EIF3H: variants seen among roughly 807,000 people sequenced by gnomAD.
EIF3H encodes eukaryotic translation initiation factor 3 subunit H, also known as eIF-3-gamma.
In EIF3H, 26 loss-of-function variants were observed where a neutral mutation model predicts 44.2. That is an observed-to-expected ratio of 0.59 (90% confidence interval 0.43 to 0.82). The LOEUF is 0.82. EIF3H is among the 40% of genes least tolerant of loss of function. The pLI is 0.00. For missense variants in EIF3H, 359 were observed against 432.8 expected (o/e 0.83, Z 1.51); for synonymous variants, 166 against 151.9 (o/e 1.09, Z -0.68).
intron 2 of EIF3H, among the ~76,000 whole-genome samples, chr8:116,689,876 G>A (rs1814144091): frequency 6.6e-6 from 1 of 152,044 alleles, no homozygotes. Context: ...TAAAATGAAT[G>A]GCACAATAGG....
At chr8:116,652,771 A>G (rs2130783020) in intron 5 of EIF3H, among the ~76,000 whole-genome samples, 1 of 146,570 alleles carries the variant, frequency 6.8e-6, no homozygotes, top group Non-Finnish European at 1.5e-5. Context: ...ATAAAGATTG[A>G]AAAAAAAAAA....
chr8:116,647,049 A>G (rs781018547), intron 6 of EIF3H, among the ~76,000 whole-genome samples: 8 of 152,104 alleles, frequency 5.3e-5, no homozygotes, highest in African/African-American at 9.7e-5. Context: ...AGATGATGTT[A>G]TTACTGCTAT....
In EIF3H at chr8:116,752,720, GAA is replaced by G. The variant is rs1563662979; in HGVS notation, c.132+2944_132+2945del. On this transcript the variant is annotated intron_variant, in intron 1 of 7. Coordinates refer to ENST00000521861, the MANE Select transcript of EIF3H (RefSeq NM_003756.3). ...AGAAAGAAAGAAAGAAAGAAAGAAA[GAA>G]AGAAAGAAAGAAGAGAAAGAAAGAA... is the stretch of plus-strand genomic sequence containing the variant. 7.2e-3 allele frequency among the ~76,000 whole-genome samples: 888 copies of G among 122,990 alleles called. 33 individuals are homozygous for G. Among genetic ancestry groups the G allele is most frequent in the Admixed American group, 0.047 (521 of 11,116 alleles). 80.7% of individuals were successfully genotyped at this position (122,990 alleles called of 152,430 possible).
chr8:116,659,671 AG>A (rs1736278255), intron 2 of EIF3H, among the ~76,000 whole-genome samples: 1 of 152,224 alleles, frequency 6.6e-6, no homozygotes, highest in South Asian at 2.1e-4. Context: ...GAAAAGGTTT[AG>A]TGACTTTTAC....
chr8:116,686,885 TCAAA>T (rs1001809765), intron 2 of EIF3H, among the ~76,000 whole-genome samples: 1 of 152,112 alleles, frequency 6.6e-6, no homozygotes, highest in Non-Finnish European at 1.5e-5. Context: ...AGGGTAATCT[TCAAA>T]CAATCTTATA....
At chr8:116,708,006 A>G (rs1811762917) in intron 2 of EIF3H, among the ~76,000 whole-genome samples, 1 of 152,018 alleles carries the variant, frequency 6.6e-6, no homozygotes, top group Admixed American at 6.5e-5. Flanking sequence ...GTACAGTCCT[A>G]CTCTCAAAAA....
At chr8:116,657,596 G>T in intron 3 of EIF3H, 1 of 389,290 alleles carries the variant, frequency 2.6e-6, no homozygotes. Flanking sequence ...GCAAGAACTA[G>T]TAACCTTGCT....
At chr8:116,759,995 G>A (rs913293820), upstream of EIF3H, among the ~76,000 whole-genome samples, 48 of 152,270 alleles carry the variant, frequency 3.2e-4, no homozygotes, top group African/African-American at 1.1e-3. Context: ...TTTCCCAAAG[G>A]GCTAGGATTA....
chr8:116,747,079 T>C (rs962426498), intron 1 of EIF3H, among the ~76,000 whole-genome samples: 2 of 152,192 alleles, frequency 1.3e-5, no homozygotes, highest in Non-Finnish European at 2.9e-5. Context: ...TTTGTTTTTT[T>C]TGAGACAGAG....
chr8:116,742,802 CAGTG>C (rs1245042719), intron 1 of EIF3H, among the ~76,000 whole-genome samples: 1 of 152,230 alleles, frequency 6.6e-6, no homozygotes, highest in Non-Finnish European at 1.5e-5. Flanking sequence ...ACAGGGATGA[CAGTG>C]AGAGTTTCTC....
chr8:116,732,177 C>G (rs1441886448), intron 1 of EIF3H, among the ~76,000 whole-genome samples: 1 of 151,978 alleles, frequency 6.6e-6, no homozygotes, highest in Non-Finnish European at 1.5e-5. Flanking sequence ...AGACTATACG[C>G]CATCTCTAAT....
intron 2 of EIF3H, among the ~76,000 whole-genome samples, chr8:116,722,346 T>G (rs1189649445): frequency 6.6e-6 from 1 of 152,162 alleles, no homozygotes; most frequent in African/African-American, 2.4e-5. Flanking sequence ...CATTAAACCT[T>G]TTTCTTTGTA....
chr8:116,717,848 C>T lies in EIF3H; in HGVS notation c.289+8168G>A, dbSNP rs530091666. On this transcript the variant is annotated intron_variant, in intron 2 of 7. Coordinates refer to ENST00000521861, the MANE Select transcript of EIF3H (RefSeq NM_003756.3). ...AATACAGTGGCTTAGGCATATTTCACGACAAGAACCCAAAAGAAAATGCAA... is the reference window on the plus strand; with the variant it reads ...AATACAGTGGCTTAGGCATATTTCATGACAAGAACCCAAAAGAAAATGCAA... 3.3e-5 allele frequency among the ~76,000 whole-genome samples: 5 copies of T among 151,992 alleles called. No individual in the cohort carries two copies. In the East Asian group the frequency reaches 5.8e-4, roughly 18 times the overall value.
chr8:116,701,261 C>T (rs1814370956), intron 2 of EIF3H, among the ~76,000 whole-genome samples: 3 of 152,070 alleles, frequency 2.0e-5, no homozygotes, highest in Admixed American at 2.0e-4. Context: ...TATTATATTC[C>T]ACTATTCTAA....
rs2278491 is a variant in EIF3H, at chr8:116,644,632, C to T, written c.*374G>A. 18,421 of 176,844 alleles carry T rather than the reference C, an allele frequency of 0.1. 1,454 individuals are homozygous for T. The highest frequency in any genetic ancestry group is 0.41 in the East Asian group (2,704 of 6,582). The allele number at this position is 176,844 out of a possible 1,614,324, so 11.0% of individuals were successfully genotyped here. On this transcript the variant is annotated 3_prime_UTR_variant, in exon 8 of 8. Coordinates refer to ENST00000521861, the MANE Select transcript of EIF3H (RefSeq NM_003756.3). ...ATATTCACAGTAGATGCCAGGGCCT[C>T]GGGGTCAGGAGCTGGGATAAGTAGT...
At chr8:116,724,355 A>G (rs1814798626) in intron 2 of EIF3H, among the ~76,000 whole-genome samples, 1 of 152,148 alleles carries the variant, frequency 6.6e-6, no homozygotes, top group African/African-American at 2.4e-5. Context: ...TCCTACCAAA[A>G]AACAGAGGAA....
rs768140101 is a variant in EIF3H, at chr8:116,726,161, C to T, written c.144G>A (p.Lys48=). ...CTTCTTCTTGATAATGTTTGATTAT[C>T]TTTAATACCACCTAAAACATACACA... The part of the protein sequence containing the change: ...QVQIDGLVVL[K]IIKHYQEEGQ... Residue 48 remains lysine (K), a synonymous_variant, in exon 2 of 8, where the codon AAG becomes AAA. Transcript: ENST00000521861. The T allele has an allele frequency of 6.2e-7, 1 of 1,613,450 alleles. No homozygotes were observed. The highest frequency in any genetic ancestry group is 1.7e-5 in the Admixed American group (1 of 59,990).
chr8:116,755,573 C>G (rs1815426516), intron 1 of EIF3H, 93 bp downstream of exon 1: 7 of 1,559,690 alleles, frequency 4.5e-6, no homozygotes, highest in Non-Finnish European at 6.1e-6. Flanking sequence ...CCACACCAAG[C>G]CCAAGGGGGA....
chr8:116,649,551 T>C (rs937254714), intron 5 of EIF3H, among the ~76,000 whole-genome samples: 14 of 152,316 alleles, frequency 9.2e-5, no homozygotes, highest in African/African-American at 2.4e-4. Flanking sequence ...ATGACCACCA[T>C]ATTCACTGAT....
Sources: allele counts gnomAD v4.1 joint callset (sites outside exome capture counted in the v4.1 genomes callset), GRCh38; gene constraint gnomAD v4.1.1; transcripts MANE v1.5; gene names NCBI Gene and HGNC (gene_info 2026-07-23, HGNC 2026-07-21).